Variants in ZNF254 observed in about 807,000 individuals in gnomAD.
ZNF254 encodes the protein zinc finger protein 254, also known as CTD-2017D11.1.
Under a neutral mutation model 12.4 loss-of-function variants are expected in ZNF254, and 10 were observed. That is an observed-to-expected ratio of 0.80 (90% confidence interval 0.50 to 1.36). The LOEUF (loss-of-function observed/expected upper bound fraction) is 1.36, where lower values mean the gene tolerates loss of function less well. ZNF254 is among the 40% of genes most tolerant of loss of function. The pLI is 0.00. For synonymous variants in ZNF254, 305 were observed against 253.4 expected, an observed-to-expected ratio of 1.20 and a Z score of -1.93; for missense variants, 996 against 763.9, an observed-to-expected ratio of 1.30 and a Z score of -3.58.
intron 2 of ZNF254, chr19:24,063,781 C>CT (rs35652625): frequency 0.19 from 26,368 of 140,388 alleles, 2,853 homozygotes; most frequent in Non-Finnish European, 0.25. Context: ...GGTGATGTTA[C>CT]TTTTTTTTTT....
chr19:24,062,097 A>AAAAAAG lies in ZNF254; in HGVS notation c.-94+15831_-94+15836dup, dbSNP rs1051494002. Among the ~76,000 whole-genome samples, 697 of 134,836 alleles carry AAAAAAG rather than the reference A, an allele frequency of 5.2e-3. 7 individuals carry two copies. The highest frequency in any genetic ancestry group is 0.021 in the African/African-American group (675 of 31,942). 88.5% of individuals were successfully genotyped at this position (134,836 alleles called of 152,430 possible). A position where few individuals can be genotyped will look rare whatever the true frequency, so the allele number is the denominator to read the frequency against. ...TGAAACTCTGTCTCACAAAAAAAAAAAAAAAGAAAAAGAAAAAGGAGTAAA... is the reference window on the plus strand; with the variant it reads ...TGAAACTCTGTCTCACAAAAAAAAAAAAAAAGAAAAAGAAAAAGAAAAAGGAGTAAA... On this transcript the variant is annotated intron_variant, in intron 2 of 4. Coordinates refer to the ZNF254 transcript ENST00000613065.
chr19:24,094,963 A>ATGCAGT (rs1394326219), intron 1 of ZNF254, among the ~76,000 whole-genome samples: 16 of 152,340 alleles, frequency 1.1e-4, no homozygotes, highest in Non-Finnish European at 1.6e-4. Context: ...CTGGAATTAC[A>ATGCAGT]GGCATGAGCC....
At chr19:24,095,999 A>T (rs1353321999) in intron 1 of ZNF254, among the ~76,000 whole-genome samples, 2 of 149,606 alleles carry the variant, frequency 1.3e-5, no homozygotes, top group Non-Finnish European at 3.0e-5. Context: ...AATGCTATAA[A>T]TTTCCCTTTA....
At position 24,129,149 on chromosome 19, in the gene ZNF254, A is replaced by G. The variant is rs531743076; in HGVS notation, c.*1169A>G. On this transcript the variant is annotated 3_prime_UTR_variant, in exon 4 of 4. Transcript: ENST00000357002. ...GTTAACTTATAATATTGAGTGATGC[A>G]TGAGGTAGGTGTTCAGAATAATATT... 14 of 152,184 alleles carry G rather than the reference A, an allele frequency of 9.2e-5. No homozygotes were observed. Among genetic ancestry groups the G allele is most frequent in the Admixed American group, 7.2e-4 (11 of 15,284 alleles). The allele number at this position is 152,184 out of a possible 1,614,324, so 9.4% of individuals were successfully genotyped here.
At chr19:24,098,988 C>CCT (rs1972834557) in intron 1 of ZNF254, 1 of 74,768 alleles carries the variant, frequency 1.3e-5, no homozygotes, top group African/African-American at 6.5e-5. Flanking sequence ...AGGCTTCGCT[C>CCT]TTTTTTTTTT....
intron 1 of ZNF254, among the ~76,000 whole-genome samples, 186 bp downstream of exon 1, chr19:24,087,523 C>T (rs977544020): frequency 6.6e-6 from 1 of 152,170 alleles, no homozygotes; most frequent in Non-Finnish European, 1.5e-5. Context: ...AGTCCTGTTT[C>T]TTCCCTGCGC....
At chr19:24,035,238 A>G (rs1969921980) in intron 1 of ZNF254, among the ~76,000 whole-genome samples, 1 of 152,040 alleles carries the variant, frequency 6.6e-6, no homozygotes, top group South Asian at 2.1e-4. Flanking sequence ...ATCTCCGCTC[A>G]CTGCAGCCTC....
chr19:24,073,391 C>T (rs2080583478), intron 2 of ZNF254, among the ~76,000 whole-genome samples: 1 of 152,148 alleles, frequency 6.6e-6, no homozygotes, highest in African/African-American at 2.4e-5. Flanking sequence ...AATACATGGA[C>T]TTAGGTTCAC....
At chr19:24,121,996 TG>T (rs1250016436) in intron 3 of ZNF254, among the ~76,000 whole-genome samples, 1 of 152,180 alleles carries the variant, frequency 6.6e-6, no homozygotes, top group African/African-American at 2.4e-5. Context: ...GATTTTTGTG[TG>T]GGAGAAACAC....
chr19:24,062,097 A>G (rs571504707), intron 2 of ZNF254, among the ~76,000 whole-genome samples: 3 of 134,794 alleles, frequency 2.2e-5, no homozygotes, highest in African/African-American at 6.3e-5. Flanking sequence ...CAAAAAAAAA[A>G]AAAAAGAAAA....
upstream of ZNF254, among the ~76,000 whole-genome samples, chr19:24,085,426 A>ATATATAT (rs369443689): frequency 3.8e-5 from 4 of 105,648 alleles, no homozygotes; most frequent in Non-Finnish European, 5.7e-5. Flanking sequence ...ATATATATAT[A>ATATATAT]AAAACTAAGA....
intron 2 of ZNF254, among the ~76,000 whole-genome samples, chr19:24,049,200 A>ATT (rs1568426357): frequency 1.7e-5 from 1 of 59,984 alleles, no homozygotes; most frequent in East Asian, 3.0e-4. Flanking sequence ...ATATATATAT[A>ATT]TATATATATA....
rs1482776088 is a variant in ZNF254 at position 24,127,027 on chromosome 19, A to AT, written c.1028dup (p.Met343IlefsTer11). ...CTCAACACTAACTAGACATAAGAGG[A>AT]TGCACACTGGAGAGAAACCCTACAA... On this transcript the variant is annotated frameshift_variant, in exon 4 of 4. Coordinates refer to ENST00000357002, the MANE Select transcript of ZNF254 (RefSeq NM_203282.4). LOFTEE classifies it low-confidence loss of function (END_TRUNC). The AT allele has an allele frequency of 6.2e-7, 1 of 1,613,736 alleles. No homozygotes were observed. Among genetic ancestry groups the AT allele is most frequent in the Admixed American group, 1.7e-5 (1 of 59,962 alleles).
intron 1 of ZNF254, among the ~76,000 whole-genome samples, chr19:24,042,206 T>G (rs1970197059): frequency 6.6e-6 from 1 of 152,134 alleles, no homozygotes; most frequent in Non-Finnish European, 1.5e-5. Flanking sequence ...AGAACCTGTG[T>G]GTTGAAACTC....
chr19:24,098,654 T>A (rs1972812193), intron 1 of ZNF254: 1 of 152,166 alleles, frequency 6.6e-6, no homozygotes, highest in South Asian at 2.1e-4. Flanking sequence ...CAATCTTATA[T>A]CTAATCTCAG....
intron 2 of ZNF254, among the ~76,000 whole-genome samples, chr19:24,049,214 A>ATATATATATATATATATTT (rs1160333151): frequency 2.4e-5 from 1 of 40,868 alleles, no homozygotes; most frequent in Non-Finnish European, 4.1e-5. Context: ...ATATATATAT[A>ATATATATATATATATATTT]TTTTTTTTTT....
At chr19:24,052,643 C>G (rs1288880712) in intron 2 of ZNF254, among the ~76,000 whole-genome samples, 1 of 152,132 alleles carries the variant, frequency 6.6e-6, no homozygotes, top group Non-Finnish European at 1.5e-5. Context: ...ATTCTGCTTT[C>G]AAGAGGAGAT....
chr19:24,056,039 A>G (rs1214390961), intron 2 of ZNF254, among the ~76,000 whole-genome samples: 1 of 152,176 alleles, frequency 6.6e-6, no homozygotes, highest in Non-Finnish European at 1.5e-5. Flanking sequence ...ATAGTGACAC[A>G]TAGCTGAACC....
At chr19:24,088,708 G>A (rs1972178425) in intron 1 of ZNF254, among the ~76,000 whole-genome samples, 1 of 151,914 alleles carries the variant, frequency 6.6e-6, no homozygotes, top group South Asian at 2.1e-4. Context: ...GAGTGCAGTG[G>A]TGCAGTGGTG....
Sources: allele counts gnomAD v4.1 joint callset (sites outside exome capture counted in the v4.1 genomes callset), GRCh38; gene constraint gnomAD v4.1.1; transcripts MANE v1.5; gene names NCBI Gene and HGNC (gene_info 2026-07-23, HGNC 2026-07-21).